MAK: variants seen among roughly 807,000 people sequenced by gnomAD.
MAK encodes serine/threonine-protein kinase MAK.
Under a neutral mutation model 82.6 loss-of-function variants are expected in MAK, and 65 were observed. That is an observed-to-expected ratio of 0.79 (90% CI 0.64 to 0.97). The LOEUF is 0.97. MAK is among the 50% of genes least tolerant of loss of function. The pLI is 0.00. For synonymous variants in MAK, 250 were observed against 274.2 expected (o/e 0.91, Z 0.87); for missense variants, 703 against 780.2 (o/e 0.90, Z 1.18).
chr6:10,779,187 A>G (rs1048033392), intron 11 of MAK: 4 of 176,544 alleles, frequency 2.3e-5, no homozygotes, highest in African/African-American at 4.8e-5. Context: ...TCCGGCCAGC[A>G]GTGGTGGCAT....
chr6:10,835,136 GT>G (rs1306339513), intron 1 of MAK, among the ~76,000 whole-genome samples: 1 of 152,232 alleles, frequency 6.6e-6, no homozygotes, highest in Non-Finnish European at 1.5e-5. Context: ...ATCTAGATTA[GT>G]TTCTTTACAT....
intron 2 of MAK, among the ~76,000 whole-genome samples, chr6:10,823,675 A>G (rs1778130436): frequency 6.6e-6 from 1 of 152,118 alleles, no homozygotes; most frequent in Admixed American, 6.6e-5. Context: ...GATTACAGGC[A>G]CACACGACCA....
chr6:10,812,544 G>A (rs774545809), intron 5 of MAK, among the ~76,000 whole-genome samples: 8 of 151,954 alleles, frequency 5.3e-5, no homozygotes, highest in Non-Finnish European at 1.0e-4. Context: ...ACACTGCTCC[G>A]TGGGTGCTAC....
chr6:10,783,050 G>C (rs991275517), intron 11 of MAK, among the ~76,000 whole-genome samples: 10 of 152,240 alleles, frequency 6.6e-5, no homozygotes, highest in African/African-American at 2.4e-4. Flanking sequence ...TGCTTCAGGA[G>C]ACTTAGATGT....
chr6:10,803,913 G>C, intron 6 of MAK, 22 bp from the exon 7 acceptor site: 1 of 1,610,756 alleles, frequency 6.2e-7, no homozygotes, highest in Non-Finnish European at 8.5e-7. Context: ...GAGAACAAAA[G>C]AGGTAATTTT....
At chr6:10,774,464 C>T (rs1336800137) in intron 12 of MAK, among the ~76,000 whole-genome samples, 3 of 151,774 alleles carry the variant, frequency 2.0e-5, no homozygotes, top group African/African-American at 7.3e-5. Flanking sequence ...CTTTTTTCTT[C>T]CTTTTTGGAG....
At chr6:10,810,858 C>T (rs1776874324) in intron 5 of MAK, among the ~76,000 whole-genome samples, 1 of 152,208 alleles carries the variant, frequency 6.6e-6, no homozygotes, top group Non-Finnish European at 1.5e-5. Context: ...AGCAGAGTGA[C>T]ACTAATCCAT....
rs879630209 is a variant in MAK at position 10,828,049 on chromosome 6, A to AGC, written c.101+2497_101+2498dup. On this transcript the variant is annotated intron_variant, in intron 2 of 14. Transcript: ENST00000354489. Reference sequence around the variant, plus strand: ...TTTTTAGTTCATCAAATCACAAATGAGCACTGAATTTTATTAAGCCTATTC... The same window carrying AGC: ...TTTTTAGTTCATCAAATCACAAATGAGCGCACTGAATTTTATTAAGCCTATTC... Among the ~76,000 whole-genome samples, 218 of 152,304 alleles carry AGC rather than the reference A, an allele frequency of 1.4e-3. 2 individuals are homozygous for AGC. Among genetic ancestry groups the AGC allele is most frequent in the Admixed American group, 0.013 (201 of 15,296 alleles).
intron 5 of MAK, among the ~76,000 whole-genome samples, chr6:10,809,567 G>A (rs76179788): frequency 0.06 from 9,111 of 152,170 alleles, 854 homozygotes; most frequent in African/African-American, 0.21. Flanking sequence ...AATCAGGCTT[G>A]AGTCAGTGCA....
intron 11 of MAK, among the ~76,000 whole-genome samples, chr6:10,783,995 G>A (rs1774276468): frequency 6.6e-6 from 1 of 151,984 alleles, no homozygotes; most frequent in African/African-American, 2.4e-5. Context: ...CTCCAGCCTG[G>A]GCGACAGAGC....
At chr6:10,783,277 C>T (rs1774171558) in intron 11 of MAK, among the ~76,000 whole-genome samples, 1 of 152,058 alleles carries the variant, frequency 6.6e-6, no homozygotes, top group Non-Finnish European at 1.5e-5. Flanking sequence ...GGAGAAAATG[C>T]TATTTGCAGG....
At chr6:10,808,684 G>T (rs1300255574) in intron 6 of MAK, 126 bp downstream of exon 6, 1 of 969,642 alleles carries the variant, frequency 1.0e-6, no homozygotes, top group Non-Finnish European at 1.6e-6. Context: ...TTTCTTTAAA[G>T]AATATAAAAT....
rs1002869761 is a variant in MAK, at chr6:10,791,425, C to T, written c.1316+250G>A. Among the ~76,000 whole-genome samples, 6 of 152,228 alleles carry T rather than the reference C, an allele frequency of 3.9e-5. No individual in the cohort carries two copies. In the East Asian group the frequency reaches 1.2e-3, roughly 29 times the overall value. On this transcript the variant is annotated intron_variant, in intron 10 of 14. Coordinates refer to ENST00000354489, the MANE Select transcript of MAK (RefSeq NM_001242957.3). Reference sequence around the variant, plus strand: ...GGGATTACAGGTGCACACCACCACACCCAGCTAATTTTTGTATTTTTAGTA... The same window carrying T: ...GGGATTACAGGTGCACACCACCACATCCAGCTAATTTTTGTATTTTTAGTA...
chr6:10,827,358 A>G (rs1287330454), intron 2 of MAK, among the ~76,000 whole-genome samples: 1 of 152,146 alleles, frequency 6.6e-6, no homozygotes, highest in Non-Finnish European at 1.5e-5. Context: ...ATGTATTTGT[A>G]TATAATAAAG....
At chr6:10,828,349 AG>A (rs1778535338) in intron 2 of MAK, among the ~76,000 whole-genome samples, 1 of 152,166 alleles carries the variant, frequency 6.6e-6, no homozygotes, top group Non-Finnish European at 1.5e-5. Context: ...GAAAGGCCCA[AG>A]GAAGGAGCCT....
At chr6:10,772,986 C>G in intron 13 of MAK, 48 bp downstream of exon 13, 2 of 1,238,550 alleles carry the variant, frequency 1.6e-6, no homozygotes, top group Admixed American at 2.0e-5. Flanking sequence ...GAAAATCAGA[C>G]AAGAGATTCA....
chr6:10,769,179 A>C (rs1186682278), intron 14 of MAK, among the ~76,000 whole-genome samples: 1 of 152,194 alleles, frequency 6.6e-6, no homozygotes, highest in Non-Finnish European at 1.5e-5. Flanking sequence ...GCATCCCTGC[A>C]CTCCAGCCTG....
chr6:10,830,477 T>G lies in MAK; in HGVS notation c.101+71A>C. On this transcript the variant is annotated intron_variant, in intron 2 of 14. Coordinates refer to ENST00000354489, the MANE Select transcript of MAK (RefSeq NM_001242957.3). ...CCGCGCTGGCCTGTGCTGGTATATA[T>G]TCTTAAGCGAGGACAGGAAAATAAA... 2.3e-6 allele frequency: 3 copies of G among 1,296,684 alleles called. No homozygotes were observed. In the South Asian group the frequency reaches 3.5e-5, roughly 15 times the overall value. The allele number at this position is 1,296,684 out of a possible 1,614,324, so 80.3% of individuals were successfully genotyped here.
At chr6:10,814,243 AC>A (rs1422964385) in intron 4 of MAK, among the ~76,000 whole-genome samples, 1 of 152,122 alleles carries the variant, frequency 6.6e-6, no homozygotes, top group Non-Finnish European at 1.5e-5. Context: ...TGCTGGGATT[AC>A]GGGCATGAGC....
Sources: allele counts gnomAD v4.1 joint callset (sites outside exome capture counted in the v4.1 genomes callset), GRCh38; gene constraint gnomAD v4.1.1; transcripts MANE v1.5; gene names NCBI Gene and HGNC (gene_info 2026-07-23, HGNC 2026-07-21).